GALNT7: variants seen among roughly 807,000 people sequenced by gnomAD.
GALNT7 encodes polypeptide N-acetylgalactosaminyltransferase 7.
In GALNT7, 60 loss-of-function variants were observed where a neutral mutation model predicts 82.1. The observed-to-expected ratio is 0.73, with a 90% confidence interval of 0.59 to 0.91. GALNT7 has a LOEUF of 0.91. Among genes scored for constraint, GALNT7 ranks in the 40% least tolerant of loss-of-function variants. GALNT7 has a pLI of 0.00. For missense variants in GALNT7, 660 were observed against 804.2 expected (o/e 0.82, Z 2.17); for synonymous variants, 243 against 275.1 (o/e 0.88, Z 1.15).
At chr4:173,251,626 C>T (rs1005972324) in intron 2 of GALNT7, among the ~76,000 whole-genome samples, 3 of 152,126 alleles carry the variant, frequency 2.0e-5, no homozygotes, top group African/African-American at 7.2e-5. Flanking sequence ...TCTCTGAGTC[C>T]TCCTTGCACC....
At chr4:173,296,262 T>A (rs1482665052) in intron 5 of GALNT7, among the ~76,000 whole-genome samples, 1 of 152,224 alleles carries the variant, frequency 6.6e-6, no homozygotes, top group East Asian at 1.9e-4. Context: ...GTTACTTGTG[T>A]CAAGGTTTTG....
rs578157500 is a variant in GALNT7, at chr4:173,181,529, G to A, written c.126+12568G>A. 3.3e-5 allele frequency among the ~76,000 whole-genome samples: 5 copies of A among 152,274 alleles called. No individual in the cohort carries two copies. In the South Asian group the frequency reaches 1.0e-3, roughly 32 times the overall value. On this transcript the variant is annotated intron_variant, in intron 1 of 11. Transcript: ENST00000265000. ...GGTATTTTAAAGAAATACATTTTCT[G>A]TATGAAATTAAGATAACTCTATTCC...
intron 1 of GALNT7, among the ~76,000 whole-genome samples, chr4:173,198,568 A>G (rs1732850670): frequency 6.6e-6 from 1 of 152,216 alleles, no homozygotes; most frequent in South Asian, 2.1e-4. Flanking sequence ...GCTGTTTATT[A>G]TACCTGCCTC....
chr4:173,209,335 C>T (rs1482086883), intron 1 of GALNT7, among the ~76,000 whole-genome samples: 1 of 152,214 alleles, frequency 6.6e-6, no homozygotes, highest in African/African-American at 2.4e-5. Flanking sequence ...CACGTCTTAG[C>T]TCTTCGTCAG....
intron 1 of GALNT7, among the ~76,000 whole-genome samples, chr4:173,197,768 G>A (rs1179776046): frequency 6.6e-6 from 1 of 152,116 alleles, no homozygotes; most frequent in Non-Finnish European, 1.5e-5. Flanking sequence ...GGATGAAGAC[G>A]TGGGGTGCAA....
chr4:173,248,034 C>A lies in GALNT7; in HGVS notation c.181C>A (p.Pro61Thr), dbSNP rs746373802. 4 of 1,613,658 alleles carry A rather than the reference C, an allele frequency of 2.5e-6. No homozygotes were observed. Among genetic ancestry groups the A allele is most frequent in the Non-Finnish European group, 2.5e-6 (3 of 1,179,744 alleles). The change falls in exon 2 of 12, where the codon CCT (proline) becomes ACT (threonine). Residue 61 changes from proline to threonine, a missense_variant. By Grantham distance (38) the Pro-to-Thr change is conservative (BLOSUM62 -1). This residue lies in a region of GALNT7 where 133 missense variants were observed against 120.7 expected (regional missense o/e 1.10). Transcript: ENST00000265000. Reference sequence around the variant, plus strand: ...CAACCGAGGCGGCAATGGACTAGCTCCTGGGGAGGACAGATTCAAACCTGT... The same window carrying A: ...CAACCGAGGCGGCAATGGACTAGCTACTGGGGAGGACAGATTCAAACCTGT... ...MPNRGGNGLA[P>T]GEDRFKPVVP...
chr4:173,276,590 A>T (rs1006048467), intron 2 of GALNT7, among the ~76,000 whole-genome samples: 114 of 152,224 alleles, frequency 7.5e-4, no homozygotes, highest in African/African-American at 2.7e-3. Flanking sequence ...GGAACCTAAG[A>T]AAAGATGTGA....
At chr4:173,174,618 A>G (rs7671278) in intron 1 of GALNT7, among the ~76,000 whole-genome samples, 106,074 of 151,410 alleles carry the variant, frequency 0.7, 37,380 homozygotes, top group East Asian at 0.76. Flanking sequence ...CCCCTCCCCC[A>G]TCCCCATCCT....
rs1009979757 is a variant in GALNT7 at position 173,292,553 on chromosome 4, TAC to T, written c.754+280_754+281del. On this transcript the variant is annotated intron_variant, in intron 3 of 11. Transcript: ENST00000265000. The surrounding 1 kb of genome is among the most constrained non-coding windows in gnomAD (Gnocchi z 4.8). Reference sequence around the variant, plus strand: ...TTGTACACAAAAATTCAGTAAAGTATACCACTGATTATAATGTTAGAAGCGAA... The same window carrying T: ...TTGTACACAAAAATTCAGTAAAGTATCACTGATTATAATGTTAGAAGCGAA... Among the ~76,000 whole-genome samples, 2 of 152,182 alleles carry T rather than the reference TAC, an allele frequency of 1.3e-5. No individual in the cohort carries two copies. The highest frequency in any genetic ancestry group is 6.5e-5 in the Admixed American group (1 of 15,278).
At chr4:173,303,506 T>C (rs1737034357) in intron 7 of GALNT7, among the ~76,000 whole-genome samples, 1 of 152,158 alleles carries the variant, frequency 6.6e-6, no homozygotes, top group Non-Finnish European at 1.5e-5. Flanking sequence ...TGATAAGCAG[T>C]GGAGAACGAT....
At position 173,314,109 on chromosome 4, in the gene GALNT7, T is replaced by C; in HGVS notation, c.1541T>C (p.Met514Thr). The change falls in exon 9 of 12, where the codon ATG (methionine) becomes ACG (threonine). Residue 514 changes from methionine to threonine, a missense_variant. Physicochemically the swap from Met to Thr is moderately conservative, Grantham distance 81. Around this residue, in one of 2 missense-constraint regions of GALNT7, gnomAD observed 527 missense variants for 683.5 expected, o/e 0.77. Coordinates refer to ENST00000265000, the MANE Select transcript of GALNT7 (RefSeq NM_017423.3). The stretch of plus-strand genomic sequence containing the variant: ...AACTGCAAAAGTTTTAAGTGGTTCA[T>C]GGAAGAAATAGCTTATGATATCACC... ...DHNCKSFKWF[M>T]EEIAYDITSH... The C allele has an allele frequency of 1.9e-6, 3 of 1,614,074 alleles. No individual in the cohort carries two copies. Among genetic ancestry groups the C allele is most frequent in the Non-Finnish European group, 2.5e-6 (3 of 1,179,956 alleles).
intron 2 of GALNT7, among the ~76,000 whole-genome samples, chr4:173,265,780 T>G (rs1394537066): frequency 6.6e-6 from 1 of 151,408 alleles, no homozygotes; most frequent in Non-Finnish European, 1.5e-5. Flanking sequence ...CTTTTTCATT[T>G]CTTTTTTCTG....
chr4:173,206,510 C>T (rs1396833431), intron 1 of GALNT7, among the ~76,000 whole-genome samples: 2 of 152,184 alleles, frequency 1.3e-5, no homozygotes, highest in African/African-American at 4.8e-5. Flanking sequence ...AACTAAAGTT[C>T]AGCAAACTTG....
intron 2 of GALNT7, among the ~76,000 whole-genome samples, chr4:173,271,033 A>G (rs1349087354): frequency 1.3e-5 from 2 of 152,264 alleles, no homozygotes; most frequent in African/African-American, 2.4e-5. Context: ...TCTTTCAATT[A>G]ACCTATTGAA....
At chr4:173,300,206 G>A (rs140309933) in intron 6 of GALNT7, among the ~76,000 whole-genome samples, 3 of 152,278 alleles carry the variant, frequency 2.0e-5, no homozygotes, top group Middle Eastern at 3.4e-3. Flanking sequence ...AGCCTGGTGT[G>A]GTGGCACGTG....
At chr4:173,287,531 A>G (rs929437053) in intron 2 of GALNT7, among the ~76,000 whole-genome samples, 1 of 152,244 alleles carries the variant, frequency 6.6e-6, no homozygotes, top group African/African-American at 2.4e-5. Flanking sequence ...GGCATCCCTC[A>G]GTCTCCTTCT....
intron 1 of GALNT7, among the ~76,000 whole-genome samples, chr4:173,171,769 A>G (rs892637611): frequency 3.9e-5 from 6 of 152,216 alleles, no homozygotes; most frequent in African/African-American, 1.4e-4. Context: ...ATTATATACC[A>G]GGCATGGTAC....
rs78797245 is a variant in GALNT7, at chr4:173,255,085, C to T, written c.587+6645C>T. ...ATTTTAAAAAACAGGAGTTAACTTACGTTACCCCCATTTCTACAGCAGTTT... is the reference window on the plus strand; with the variant it reads ...ATTTTAAAAAACAGGAGTTAACTTATGTTACCCCCATTTCTACAGCAGTTT... On this transcript the variant is annotated intron_variant, in intron 2 of 11. Coordinates refer to ENST00000265000, the MANE Select transcript of GALNT7 (RefSeq NM_017423.3). 4.9e-4 allele frequency among the ~76,000 whole-genome samples: 75 copies of T among 152,346 alleles called. 3 individuals are homozygous for T. The East Asian group carries it at 0.013, about 27-fold the overall frequency.
chr4:173,225,881 AGTG>A lies in GALNT7; in HGVS notation c.127-22096_127-22094del, dbSNP rs1221792283. Among the ~76,000 whole-genome samples the A allele has an allele frequency of 5.3e-5, 8 of 152,300 alleles. No individual in the cohort carries two copies. In the East Asian group the frequency reaches 1.5e-3, roughly 29 times the overall value. Reference sequence around the variant, plus strand: ...ACCACTCAGTGAAGCTGAGCTATGAAGTGGTTCTCTACCAAGTCCTGAACCAAC... The same window carrying A: ...ACCACTCAGTGAAGCTGAGCTATGAAGTTCTCTACCAAGTCCTGAACCAAC... On this transcript the variant is annotated intron_variant, in intron 1 of 11. Transcript: ENST00000265000.
Sources: gnomAD v4.1 joint callset for allele counts (sites outside exome capture counted in the v4.1 genomes callset) on GRCh38, gnomAD v4.1.1 for gene constraint, gnomAD v4.1.1 regional missense constraint, Gnocchi (gnomAD v3.1) non-coding constraint, MANE v1.5 for transcripts, NCBI Gene and HGNC (gene_info 2026-07-23, HGNC 2026-07-21) for gene names.